TYRO3: variants seen among roughly 807,000 people sequenced by gnomAD.
The protein encoded by TYRO3 is tyrosine-protein kinase receptor TYRO3.
A neutral mutation model predicts 95.2 loss-of-function variants in TYRO3; 38 were observed. The ratio of observed to expected loss-of-function variants is 0.40; its 90% confidence interval spans 0.31 to 0.52. TYRO3 has a LOEUF of 0.52. TYRO3 is among the 20% of genes least tolerant of loss of function. The pLI, the probability that TYRO3 is intolerant of heterozygous loss-of-function variation, is 0.56. For synonymous variants in TYRO3, 367 were observed against 432.9 expected (o/e 0.85, Z 1.89); for missense variants, 812 against 1,116.4 (o/e 0.73, Z 3.89).
chr15:41,575,238 T>C (rs1402688901), intron 18 of TYRO3, among the ~76,000 whole-genome samples: 4 of 152,224 alleles, frequency 2.6e-5, no homozygotes, highest in Non-Finnish European at 4.4e-5. Context: ...GAGGGAAATC[T>C]TGAGTAGACA....
rs138043859 is a variant in TYRO3 at position 41,577,904 on chromosome 15, G to A, written c.2301G>A (p.Gln767=). 6.2e-7 allele frequency: 1 copy of A among 1,612,350 alleles called. No homozygotes were observed. The highest frequency in any genetic ancestry group is 8.5e-7 in the Non-Finnish European group (1 of 1,180,002). ...ACCCCAGGTATGATCTCATGTACCA[G>A]TGCTGGAGTGCTGACCCCAAGCAGC... ...CMEDVYDLMY[Q]CWSADPKQRP... Residue 767 remains glutamine (Q), a synonymous_variant, in exon 19 of 19, where the codon CAG becomes CAA. Transcript: ENST00000263798.
In TYRO3 at chr15:41,579,240, G is replaced by A. The variant is rs2055897584; in HGVS notation, c.*964G>A. ...CCTGGACCCCAGCCTTGGTGGGGGAGCCTCTGGAATGCATGGGGCGGGTCC... is the reference window on the plus strand; with the variant it reads ...CCTGGACCCCAGCCTTGGTGGGGGAACCTCTGGAATGCATGGGGCGGGTCC... On this transcript the variant is annotated 3_prime_UTR_variant, in exon 19 of 19. Transcript: ENST00000263798. The A allele has an allele frequency of 6.6e-6, 1 of 152,368 alleles. No homozygotes were observed. Among genetic ancestry groups the A allele is most frequent in the African/African-American group, 2.4e-5 (1 of 41,448 alleles). 9.4% of individuals were successfully genotyped at this position (152,368 alleles called of 1,614,324 possible). A position where few individuals can be genotyped will look rare whatever the true frequency, so the allele number is the denominator to read the frequency against.
Position 41,573,293 on chromosome 15 carries a change from C to G in TYRO3, c.1986-15C>G. The G allele has an allele frequency of 7.2e-7, 1 of 1,394,014 alleles. No individual in the cohort carries two copies. The highest frequency in any genetic ancestry group is 9.9e-7 in the Non-Finnish European group (1 of 1,008,462). The allele number at this position is 1,394,014 out of a possible 1,614,324, so 86.4% of individuals were successfully genotyped here. Reference sequence around the variant, plus strand: ...ATGGCAGAAGGCTGACTCTCTCCCTCAATGCCCCTTGTAGGCTGGCAGAGG... The same window carrying G: ...ATGGCAGAAGGCTGACTCTCTCCCTGAATGCCCCTTGTAGGCTGGCAGAGG... On this transcript the variant is annotated splice_polypyrimidine_tract_variant and intron_variant, in intron 16 of 18. Transcript: ENST00000263798.
intron 1 of TYRO3, 72 bp from the exon 2 acceptor site, chr15:41,561,055 G>C: frequency 7.0e-7 from 1 of 1,428,548 alleles, no homozygotes. Flanking sequence ...CTACCTTCTA[G>C]AAGAGAATGG....
intron 15 of TYRO3, 37 bp from the exon 16 acceptor site, chr15:41,572,965 G>A (rs1212104391): frequency 1.1e-6 from 1 of 935,498 alleles, no homozygotes; most frequent in Non-Finnish European, 1.6e-6. Context: ...AGCTGGGTGG[G>A]CAGGTTAAGC....
chr15:41,573,528 C>T (rs1279570754), intron 17 of TYRO3, 61 bp downstream of exon 17: 107 of 1,576,742 alleles, frequency 6.8e-5, no homozygotes, highest in Non-Finnish European at 9.0e-5. Flanking sequence ...CTTTAGGATC[C>T]TTAAGGGCCT....
At chr15:41,559,893 C>G (rs1211503223) in intron 1 of TYRO3, among the ~76,000 whole-genome samples, 1 of 152,224 alleles carries the variant, frequency 6.6e-6, no homozygotes, top group African/African-American at 2.4e-5. Context: ...TTCCTGAAAG[C>G]AGAACCTTGG....
intron 14 of TYRO3, among the ~76,000 whole-genome samples, chr15:41,571,975 T>C (rs1258134366): frequency 1.3e-5 from 2 of 149,500 alleles, no homozygotes; most frequent in Admixed American, 6.7e-5. Context: ...CTGGGCAGTA[T>C]AGCAACAGCC....
chr15:41,576,236 C>G (rs2055858975), intron 18 of TYRO3, among the ~76,000 whole-genome samples: 1 of 151,970 alleles, frequency 6.6e-6, no homozygotes, highest in South Asian at 2.1e-4. Context: ...TCTTGTCGCC[C>G]AGGCTGGAGT....
chr15:41,560,428 T>TGTGCGTGCGCGC (rs1408766845), intron 1 of TYRO3, among the ~76,000 whole-genome samples: 1 of 135,256 alleles, frequency 7.4e-6, no homozygotes, highest in Non-Finnish European at 1.6e-5. Flanking sequence ...TGTGTGTGTG[T>TGTGCGTGCGCGC]GCGCGCGCGC....
chr15:41,568,819 C>T lies in TYRO3; in HGVS notation c.1108-59C>T, dbSNP rs1330558121. The T allele has an allele frequency of 2.5e-6, 4 of 1,573,612 alleles. No homozygotes were observed. In the East Asian group the frequency reaches 9.3e-5, roughly 36 times the overall value. The stretch of plus-strand genomic sequence containing the variant: ...GCTGGACCTTTTTCTGTCCTCAGGC[C>T]CCAGCTGGAGGCCTTCTCCCCAGGC... On this transcript the variant is annotated intron_variant, in intron 8 of 18. Transcript: ENST00000263798.
Position 41,577,912 on chromosome 15 carries a change from G to A in TYRO3, c.2309G>A (p.Ser770Asn). 6.2e-7 allele frequency: 1 copy of A among 1,612,744 alleles called. No individual in the cohort carries two copies. Among genetic ancestry groups the A allele is most frequent in the Non-Finnish European group, 8.5e-7 (1 of 1,180,032 alleles). ...TATGATCTCATGTACCAGTGCTGGAGTGCTGACCCCAAGCAGCGCCCGAGC... is the reference window on the plus strand; with the variant it reads ...TATGATCTCATGTACCAGTGCTGGAATGCTGACCCCAAGCAGCGCCCGAGC... ...DVYDLMYQCW[S>N]ADPKQRPSFT... Residue 770 changes from serine (S) to asparagine (N), a missense_variant, in exon 19 of 19, where the codon AGT becomes AAT. Transcript: ENST00000263798.
At position 41,573,481 on chromosome 15, in the gene TYRO3, C is replaced by T; in HGVS notation, c.2145+14C>T. On this transcript the variant is annotated intron_variant, in intron 17 of 18. Coordinates refer to ENST00000263798, the MANE Select transcript of TYRO3 (RefSeq NM_006293.4). Reference sequence around the variant, plus strand: ...CAGAGTGACGTGGTGAGCAGGGTGGCCCGTGAAGCTTGGTGGGGACGAGTG... The same window carrying T: ...CAGAGTGACGTGGTGAGCAGGGTGGTCCGTGAAGCTTGGTGGGGACGAGTG... The T allele has an allele frequency of 8.7e-7, 1 of 1,151,278 alleles. No homozygotes were observed. Among genetic ancestry groups the T allele is most frequent in the Non-Finnish European group, 1.2e-6 (1 of 810,864 alleles). The allele number at this position is 1,151,278 out of a possible 1,614,324, so 71.3% of individuals were successfully genotyped here.
intron 6 of TYRO3, among the ~76,000 whole-genome samples, chr15:41,565,493 C>T (rs2055710463): frequency 6.6e-6 from 1 of 151,890 alleles, no homozygotes; most frequent in Admixed American, 6.6e-5. Flanking sequence ...ACTGCAACCT[C>T]CACCTCCTGG....
intron 3 of TYRO3, 109 bp from the exon 4 acceptor site, chr15:41,562,439 C>G (rs2055668852): frequency 9.1e-7 from 1 of 1,096,416 alleles, no homozygotes; most frequent in Admixed American, 2.5e-5. Context: ...CATAAGGGGC[C>G]TGTGGGAACC....
At chr15:41,577,695 C>A in intron 18 of TYRO3, 191 bp from the exon 19 acceptor site, 1 of 554,372 alleles carries the variant, frequency 1.8e-6, no homozygotes. Flanking sequence ...CCATATTGCC[C>A]AGGCTGGTCT....
intron 18 of TYRO3, chr15:41,577,317 AATTT>A (rs1595506950): frequency 6.6e-6 from 1 of 151,842 alleles, no homozygotes; most frequent in African/African-American, 2.4e-5. Context: ...TAATTTAATT[AATTT>A]ATTTGTTTGT....
chr15:41,582,571 A>C lies in TYRO3; in HGVS notation c.*4295A>C, dbSNP rs1018041624. The C allele has an allele frequency of 5.9e-5, 9 of 151,900 alleles. No homozygotes were observed. Among genetic ancestry groups the C allele is most frequent in the African/African-American group, 1.5e-4 (6 of 41,352 alleles). 9.4% of individuals were successfully genotyped at this position (151,900 alleles called of 1,614,324 possible). ...CTGGTGGGTGCCTGTAATCCCAGCT[A>C]CTTGGGAGGCTGAGGTAGGAGAATT... On this transcript the variant is annotated 3_prime_UTR_variant, in exon 19 of 19. Coordinates refer to ENST00000263798, the MANE Select transcript of TYRO3 (RefSeq NM_006293.4).
At chr15:41,569,283 C>T (rs1481629568) in intron 9 of TYRO3, among the ~76,000 whole-genome samples, 2 of 135,478 alleles carry the variant, frequency 1.5e-5, no homozygotes, top group Non-Finnish European at 1.6e-5. Flanking sequence ...AAGACTCTGT[C>T]TCTACAAAAA....
Sources: allele counts gnomAD v4.1 joint callset (sites outside exome capture counted in the v4.1 genomes callset), GRCh38; gene constraint gnomAD v4.1.1; transcripts MANE v1.5; gene names NCBI Gene and HGNC (gene_info 2026-07-23, HGNC 2026-07-21).